The following DNHD1 variants were observed in gnomAD, a reference collection of about 807,000 sequenced individuals.
The protein encoded by DNHD1 is dynein heavy chain domain 1, also known as dynein heavy chain domain-containing protein 1.
In DNHD1, 383 loss-of-function variants were observed where a neutral mutation model predicts 458.1. That is an observed-to-expected ratio of 0.84 (90% confidence interval 0.77 to 0.91). DNHD1 has a LOEUF of 0.91. DNHD1 is among the 40% of genes least tolerant of loss of function. DNHD1 has a pLI of 0.00. For synonymous variants in DNHD1, 2,203 were observed against 2,376.9 expected (o/e 0.93, Z 2.13); for missense variants, 5,336 against 5,866.1 (o/e 0.91, Z 2.95).
intron 24 of DNHD1, among the ~76,000 whole-genome samples, chr11:6,554,629 G>C (rs1204772018): frequency 6.6e-6 from 1 of 152,080 alleles, no homozygotes; most frequent in Non-Finnish European, 1.5e-5. Flanking sequence ...ATGGACAAAA[G>C]ACTTACACTT....
rs767238600 is a variant in DNHD1 at position 6,567,058 on chromosome 11, A to G, written c.11549A>G (p.Tyr3850Cys). ...KLQEMVLWAP[Y>C]RPVVWHGMAM... ...CAGGAGATGGTATTGTGGGCACCCT[A>G]TCGACCTGTGGTTTGGCATGGAATG... Residue 3850 changes from tyrosine (Y) to cysteine (C), a missense_variant, in exon 36 of 43, where the codon TAT becomes TGT. By Grantham distance (194) the Tyr-to-Cys change is radical. Coordinates refer to ENST00000254579, the MANE Select transcript of DNHD1 (RefSeq NM_144666.3). 3.7e-5 allele frequency: 59 copies of G among 1,614,036 alleles called. No individual in the cohort carries two copies. In the South Asian group the frequency reaches 6.4e-4, roughly 17 times the overall value.
At position 6,564,559 on chromosome 11, in the gene DNHD1, C is replaced by T; in HGVS notation, c.10511C>T (p.Thr3504Ile). 1 of 1,551,760 alleles carries T rather than the reference C, an allele frequency of 6.4e-7. No homozygotes were observed. Among genetic ancestry groups the T allele is most frequent in the Non-Finnish European group, 8.7e-7 (1 of 1,147,000 alleles). Residue 3504 changes from threonine to isoleucine, a missense_variant, in exon 32 of 43, where the codon ACA (threonine) becomes ATA (isoleucine). Physicochemically the swap from Thr to Ile is moderately conservative, Grantham distance 89. Coordinates refer to ENST00000254579, the MANE Select transcript of DNHD1 (RefSeq NM_144666.3). The stretch of plus-strand genomic sequence containing the variant: ...CCACCAAAGAACCCCCTGCTGGCTA[C>T]ACACTCTCCCTTCAGTATTCTGTCC... Reference protein sequence around the residue: ...SIPPKNPLLATHSPFSILSLL... With the variant: ...SIPPKNPLLAIHSPFSILSLL...
Position 6,548,676 on chromosome 11 carries a change from T to C in DNHD1, c.7130T>C (p.Leu2377Pro), listed in dbSNP as rs1853273805. 6.4e-7 allele frequency: 1 copy of C among 1,551,710 alleles called. No homozygotes were observed. The highest frequency in any genetic ancestry group is 1.4e-5 in the African/African-American group (1 of 73,180). Reference sequence around the variant, plus strand: ...CGGCTCTTGTATGTGGTGGACCTGCTTCTGTCAGGGGGACAGCCAGTGTTG... The same window carrying C: ...CGGCTCTTGTATGTGGTGGACCTGCCTCTGTCAGGGGGACAGCCAGTGTTG... ...TERLLYVVDL[L>P]LSGGQPVLLA... The change falls in exon 24 of 43, where the codon CTT becomes CCT. Residue 2377 changes from leucine to proline, a missense_variant. Coordinates refer to ENST00000254579, the MANE Select transcript of DNHD1 (RefSeq NM_144666.3). This position sits in a 1 kb window ranked among gnomAD's most constrained non-coding sequence, Gnocchi z 4.4.
In DNHD1 at chr11:6,559,224, C is replaced by G. The variant is rs774030181; in HGVS notation, c.9460C>G (p.His3154Asp). Residue 3154 changes from histidine (H) to aspartate (D), a missense_variant, in exon 28 of 43, where the codon CAC becomes GAC. This residue lies in a region of DNHD1 where 3,932 missense variants were observed against 4,365.6 expected (regional missense o/e 0.90). Coordinates refer to ENST00000254579, the MANE Select transcript of DNHD1 (RefSeq NM_144666.3). Reference sequence around the variant, plus strand: ...GAATCTGAGAATGCTGATTAAGGAGCACGGTACCCATGCCAATCTGATCTT... The same window carrying G: ...GAATCTGAGAATGCTGATTAAGGAGGACGGTACCCATGCCAATCTGATCTT... ...LENLRMLIKE[H>D]GTHANLIFDL... 1.9e-6 allele frequency: 3 copies of G among 1,551,690 alleles called. No homozygotes were observed. Among genetic ancestry groups the G allele is most frequent in the Non-Finnish European group, 2.6e-6 (3 of 1,146,990 alleles).
At chr11:6,512,346 A>G (rs2723653) in intron 7 of DNHD1, among the ~76,000 whole-genome samples, 87,391 of 147,624 alleles carry the variant, frequency 0.59, 26,820 homozygotes, top group African/African-American at 0.75. Flanking sequence ...TCAGCCTCCC[A>G]AGTAGCTGGG....
rs756327896 is a variant in DNHD1, at chr11:6,508,996, G to A, written c.1037G>A (p.Gly346Asp). The change falls in exon 5 of 43, where the codon GGT (glycine) becomes GAT (aspartate). Residue 346 changes from glycine (G) to aspartate (D), a missense_variant. Gly to Asp is a moderately conservative substitution (Grantham distance 94, BLOSUM62 -1). This residue lies in a region of DNHD1 where 3,932 missense variants were observed against 4,365.6 expected (regional missense o/e 0.90). Coordinates refer to ENST00000254579, the MANE Select transcript of DNHD1 (RefSeq NM_144666.3). ...GAAGGTAGCGAGACGATGACACTGG[G>A]TACCTGGCACCATCACTGTGTTCTC... ...PVEGSETMTL[G>D]TWHHHCVLWQ... The A allele has an allele frequency of 2.5e-6, 4 of 1,614,104 alleles. No homozygotes were observed. Among genetic ancestry groups the A allele is most frequent in the South Asian group, 1.1e-5 (1 of 91,094 alleles).
At chr11:6,530,280 A>T (rs1852799440) in intron 12 of DNHD1, among the ~76,000 whole-genome samples, 1 of 152,008 alleles carries the variant, frequency 6.6e-6, no homozygotes, top group Non-Finnish European at 1.5e-5. Context: ...TACCCCTGCT[A>T]ATTGAACGCC....
chr11:6,568,855 CAG>C lies in DNHD1; in HGVS notation c.12853_12854del (p.Arg4285GlyfsTer23), dbSNP rs780409307. On this transcript the variant is annotated frameshift_variant, in exon 39 of 43. Transcript: ENST00000254579. LOFTEE classifies it high-confidence loss of function. ...TCTATGGAACAAGGCTGCAGGCACA[CAG>C]GGGGCGCTGGTGAGGGACCCCCACC... ...QLYGTRLQAH[R>X]GRWSQVTLTQ... 38 of 1,609,730 alleles carry C rather than the reference CAG, an allele frequency of 2.4e-5. No individual in the cohort carries two copies. The highest frequency in any genetic ancestry group is 3.4e-5 in the Admixed American group (2 of 59,600).
At position 6,517,025 on chromosome 11, in the gene DNHD1, C is replaced by A. The variant is rs138286136; in HGVS notation, c.1393-2575C>A. ...GGCTTACAAACAACAAACATTTATT[C>A]TTGGAAGCTAGGAAGTCCAACATCA... is the stretch of plus-strand genomic sequence containing the variant. On this transcript the variant is annotated intron_variant, in intron 7 of 42. Coordinates refer to ENST00000254579, the MANE Select transcript of DNHD1 (RefSeq NM_144666.3). Among the ~76,000 whole-genome samples, 883 of 152,236 alleles carry A rather than the reference C, an allele frequency of 5.8e-3. 10 individuals carry two copies. Among genetic ancestry groups the A allele is most frequent in the South Asian group, 0.022 (107 of 4,814 alleles).
chr11:6,544,445 G>A, intron 19 of DNHD1, 129 bp from the exon 20 acceptor site: 1 of 1,002,172 alleles, frequency 1.0e-6, no homozygotes, highest in Non-Finnish European at 1.4e-6. Flanking sequence ...CAAGTTCCCT[G>A]AGTCCTGCTG....
Position 6,546,708 on chromosome 11 carries a change from C to T in DNHD1, c.5769C>T (p.Leu1923=), listed in dbSNP as rs1055517670. The T allele has an allele frequency of 6.8e-5, 106 of 1,551,468 alleles. No homozygotes were observed. The highest frequency in any genetic ancestry group is 8.6e-5 in the Non-Finnish European group (99 of 1,146,964). The change falls in exon 21 of 43, where the codon CTC becomes CTT. Residue 1923 remains leucine, a synonymous_variant. Coordinates refer to ENST00000254579, the MANE Select transcript of DNHD1 (RefSeq NM_144666.3). ...CACTGTTTAGCATTCTCAATGGGCT[C>T]CACCTGCACAACCTCCGAGGGCTGT... ...RSPLFSILNG[L]HLHNLRGLLC... is the part of the protein sequence containing the mutation.
At chr11:6,510,891 A>G (rs1302051276) in intron 6 of DNHD1, among the ~76,000 whole-genome samples, 1 of 152,030 alleles carries the variant, frequency 6.6e-6, no homozygotes, top group African/African-American at 2.4e-5. Flanking sequence ...ATCACATTTG[A>G]TCCTAAAACT....
At chr11:6,565,626 A>C in intron 32 of DNHD1, 69 bp from the exon 33 acceptor site, 1 of 1,420,296 alleles carries the variant, frequency 7.0e-7, no homozygotes, top group Middle Eastern at 1.8e-4. Context: ...GGAGCCCTTC[A>C]GTGAATTCCT....
intron 18 of DNHD1, 90 bp from the exon 19 acceptor site, chr11:6,544,031 T>C: frequency 9.6e-7 from 1 of 1,045,106 alleles, no homozygotes; most frequent in Non-Finnish European, 1.3e-6. Flanking sequence ...TGTAACTGCC[T>C]CTCCTGGAAG....
At position 6,538,503 on chromosome 11, in the gene DNHD1, T is replaced by C; in HGVS notation, c.3119T>C (p.Phe1040Ser). ...ENISEWKCMAFAKFSPAMAQE... is the reference protein window; with the variant it reads ...ENISEWKCMASAKFSPAMAQE... ...ATCAGCGAGTGGAAGTGCATGGCTTTTGCCAAGGTGCTGACACCCTTCCTT... is the reference window on the plus strand; with the variant it reads ...ATCAGCGAGTGGAAGTGCATGGCTTCTGCCAAGGTGCTGACACCCTTCCTT... Residue 1040 changes from phenylalanine (F) to serine (S), a missense_variant, in exon 15 of 43, where the codon TTT becomes TCT. This residue lies in a region of DNHD1 where 3,932 missense variants were observed against 4,365.6 expected (regional missense o/e 0.90). Coordinates refer to ENST00000254579, the MANE Select transcript of DNHD1 (RefSeq NM_144666.3). 6.4e-7 allele frequency: 1 copy of C among 1,551,776 alleles called. No individual in the cohort carries two copies. Among genetic ancestry groups the C allele is most frequent in the East Asian group, 2.4e-5 (1 of 40,926 alleles).
In DNHD1 at chr11:6,545,602, G is replaced by A; in HGVS notation, c.4663G>A (p.Ala1555Thr). 1.9e-6 allele frequency: 3 copies of A among 1,551,966 alleles called. No individual in the cohort carries two copies. The highest frequency in any genetic ancestry group is 2.4e-5 in the East Asian group (1 of 40,920). ...VLVNFMRAQR[A>T]SQGGQSLPSV... The stretch of plus-strand genomic sequence containing the variant: ...GGTGAATTTTATGCGGGCCCAGAGG[G>A]CTTCCCAAGGTGGGCAGTCCCTGCC... The change falls in exon 21 of 43, where the codon GCT (alanine) becomes ACT (threonine). Residue 1555 changes from alanine to threonine, a missense_variant. Physicochemically the swap from Ala to Thr is moderately conservative, Grantham distance 58. This residue lies in a region of DNHD1 where 3,932 missense variants were observed against 4,365.6 expected (regional missense o/e 0.90). Coordinates refer to ENST00000254579, the MANE Select transcript of DNHD1 (RefSeq NM_144666.3). The surrounding 1 kb of genome is among the most constrained non-coding windows in gnomAD (Gnocchi z 4.9).
intron 13 of DNHD1, 77 bp downstream of exon 13, chr11:6,533,261 T>G (rs945774022): frequency 7.8e-6 from 11 of 1,415,624 alleles, no homozygotes; most frequent in Non-Finnish European, 1.1e-5. Context: ...TCTCTTCAGG[T>G]CTCTGCTGAG....
intron 24 of DNHD1, among the ~76,000 whole-genome samples, chr11:6,551,739 G>A (rs1381636687): frequency 9.9e-5 from 15 of 152,126 alleles, no homozygotes; most frequent in Admixed American, 8.5e-4. Context: ...TCAGGAGATG[G>A]AGACCATCCT....
rs377648866 is a variant in DNHD1, at chr11:6,570,407, C to A, written c.13105+11C>A. The A allele has an allele frequency of 6.2e-7, 1 of 1,601,852 alleles. No individual in the cohort carries two copies. Among genetic ancestry groups the A allele is most frequent in the Non-Finnish European group, 8.5e-7 (1 of 1,174,144 alleles). ...TCATGCCCCTCCCAGGTAAGCCTCA[C>A]TCAGGTATCTGTTTTGGGGTAGGGA... On this transcript the variant is annotated intron_variant, in intron 41 of 42. Transcript: ENST00000254579.
Sources: allele counts gnomAD v4.1 joint callset (sites outside exome capture counted in the v4.1 genomes callset), GRCh38; gene constraint gnomAD v4.1.1; regional missense constraint gnomAD v4.1.1; non-coding constraint Gnocchi (gnomAD v3.1); transcripts MANE v1.5; gene names NCBI Gene and HGNC (gene_info 2026-07-23, HGNC 2026-07-21).